VEPH1: variants seen among roughly 807,000 people sequenced by gnomAD.
VEPH1 encodes the protein ventricular zone expressed PH domain containing 1.
A neutral mutation model predicts 85.2 loss-of-function variants in VEPH1; 80 were observed. The ratio of observed to expected loss-of-function variants is 0.94; its 90% CI spans 0.78 to 1.13. The LOEUF (loss-of-function observed/expected upper bound fraction) is 1.13, where lower values mean the gene tolerates loss of function less well. Among genes scored for constraint, VEPH1 ranks in the 50% most tolerant of loss-of-function variants. The pLI is 0.00. For missense variants in VEPH1, 955 were observed against 980.5 expected, an observed-to-expected ratio of 0.97 and a Z score of 0.35; for synonymous variants, 297 against 348.0, an observed-to-expected ratio of 0.85 and a Z score of 1.63.
At chr3:157,267,107 T>TC (rs1489353768) in intron 12 of VEPH1, among the ~76,000 whole-genome samples, 44 of 148,148 alleles carry the variant, frequency 3.0e-4, no homozygotes, top group Admixed American at 1.9e-3. Flanking sequence ...TTTTTCTTTT[T>TC]TTTTTTTTTT....
At position 157,424,890 on chromosome 3, in the gene VEPH1, C is replaced by T. The variant is rs560554806; in HGVS notation, c.696+3432G>A. On this transcript the variant is annotated intron_variant, in intron 5 of 13. Transcript: ENST00000362010. Reference sequence around the variant, plus strand: ...CCATTTTCTGAGGAGAAATTCAAGCCGGATGCAGAAATTTACATAAGTAAC... The same window carrying T: ...CCATTTTCTGAGGAGAAATTCAAGCTGGATGCAGAAATTTACATAAGTAAC... 4.6e-5 allele frequency among the ~76,000 whole-genome samples: 7 copies of T among 152,242 alleles called. No individual in the cohort carries two copies. The South Asian group carries it at 6.2e-4, about 14-fold the overall frequency.
intron 9 of VEPH1, among the ~76,000 whole-genome samples, chr3:157,329,019 C>A (rs115553973): frequency 9.4e-4 from 143 of 152,310 alleles, no homozygotes; most frequent in Non-Finnish European, 1.7e-3. Flanking sequence ...TACTCTGCAG[C>A]TTACATAGGT....
chr3:157,299,307 C>G (rs1243504610), intron 11 of VEPH1, among the ~76,000 whole-genome samples: 2 of 151,690 alleles, frequency 1.3e-5, no homozygotes, highest in East Asian at 1.9e-4. Flanking sequence ...ACATACAATC[C>G]CAGACCTTTG....
chr3:157,270,774 A>C (rs1236082948), intron 12 of VEPH1, among the ~76,000 whole-genome samples: 2 of 152,156 alleles, frequency 1.3e-5, no homozygotes, highest in Non-Finnish European at 2.9e-5. Flanking sequence ...TCACCCTCAC[A>C]GGGAGCTTTA....
intron 4 of VEPH1, among the ~76,000 whole-genome samples, chr3:157,441,109 C>A (rs1446500410): frequency 6.6e-6 from 1 of 152,148 alleles, no homozygotes; most frequent in East Asian, 1.9e-4. Context: ...GGTGCTCATC[C>A]AAAGTTGCAT....
chr3:157,360,254 A>G (rs2108758508), intron 9 of VEPH1, among the ~76,000 whole-genome samples: 1 of 152,300 alleles, frequency 6.6e-6, no homozygotes, highest in Admixed American at 6.5e-5. Flanking sequence ...GCTCTTTCTC[A>G]GCGGATGTAT....
intron 9 of VEPH1, among the ~76,000 whole-genome samples, chr3:157,349,694 C>CA (rs1467865607): frequency 2.6e-5 from 4 of 151,938 alleles, no homozygotes; most frequent in Non-Finnish European, 4.4e-5. Context: ...TTGCAGAATA[C>CA]AAAAAAATCA....
intron 9 of VEPH1, among the ~76,000 whole-genome samples, chr3:157,323,566 ATG>A (rs1721582449): frequency 6.6e-6 from 1 of 152,174 alleles, no homozygotes; most frequent in African/African-American, 2.4e-5. Flanking sequence ...TCACATGCAT[ATG>A]TGTGGGACGT....
In VEPH1 at chr3:157,318,444, C is replaced by CA. The variant is rs567455501; in HGVS notation, c.1736-1244dup. The stretch of plus-strand genomic sequence containing the variant: ...ACAACATGGTGAAACCCCTTCTCTA[C>CA]AAAAAATACAAAAATTAGCTGGGCA... On this transcript the variant is annotated intron_variant, in intron 9 of 13. Transcript: ENST00000362010. Among the ~76,000 whole-genome samples the CA allele has an allele frequency of 1.8e-3, 267 of 151,770 alleles. 2 individuals are homozygous for CA. The highest frequency in any genetic ancestry group is 0.017 in the Middle Eastern group (5 of 294).
intron 4 of VEPH1, among the ~76,000 whole-genome samples, chr3:157,433,948 A>G (rs999438204): frequency 4.6e-5 from 7 of 152,074 alleles, no homozygotes; most frequent in African/African-American, 1.7e-4. Context: ...ATGATCAGTT[A>G]TGATATATGT....
Position 157,300,678 on chromosome 3 carries a change from A to C in VEPH1, c.2010+12943T>G, listed in dbSNP as rs144559416. ...AAAGAAAGAGTAAAAAACAACAGAC[A>C]AGTGTATTACAATGAAAATAAATGT... On this transcript the variant is annotated intron_variant, in intron 11 of 13. Transcript: ENST00000362010. Among the ~76,000 whole-genome samples, 1,219 of 152,336 alleles carry C rather than the reference A, an allele frequency of 8.0e-3. 27 individuals are homozygous for C. Among genetic ancestry groups the C allele is most frequent in the African/African-American group, 0.027 (1,129 of 41,566 alleles).
chr3:157,483,637 T>A (rs947820866), intron 2 of VEPH1, among the ~76,000 whole-genome samples: 1 of 152,032 alleles, frequency 6.6e-6, no homozygotes, highest in Non-Finnish European at 1.5e-5. Context: ...CGTGGATGGA[T>A]AGAGCTGAAA....
chr3:157,467,406 GA>G (rs144653058), intron 3 of VEPH1, among the ~76,000 whole-genome samples: 34 of 147,376 alleles, frequency 2.3e-4, no homozygotes, highest in African/African-American at 4.0e-4. Context: ...TCATTTTACT[GA>G]AAAAAAAAAT....
In VEPH1 at chr3:157,429,245, CA is replaced by C. The variant is rs556271473; in HGVS notation, c.530-758del. On this transcript the variant is annotated intron_variant, in intron 4 of 13. Transcript: ENST00000362010. ...AATCCTCACAAGTACTTAAATGTCT[CA>C]GGGGAATTGGTTTCTAGGGATTTTT... 4.0e-4 allele frequency among the ~76,000 whole-genome samples: 61 copies of C among 152,204 alleles called. 4 individuals are homozygous for C. In the East Asian group the frequency reaches 4.8e-3, roughly 12 times the overall value.
At chr3:157,371,276 T>C (rs1484389747) in intron 7 of VEPH1, among the ~76,000 whole-genome samples, 1 of 152,210 alleles carries the variant, frequency 6.6e-6, no homozygotes, top group Non-Finnish European at 1.5e-5. Flanking sequence ...TAAATCCCTG[T>C]ACTTGAAATA....
chr3:157,414,128 G>GAAGA (rs764554436), intron 5 of VEPH1, 38 bp from the exon 6 acceptor site: 1 of 1,473,632 alleles, frequency 6.8e-7, no homozygotes, highest in Non-Finnish European at 9.3e-7. Flanking sequence ...AAGAAAGAAG[G>GAAGA]AAGAAAGAGA....
chr3:157,304,038 T>TATATATATATATATATATACAC, intron 11 of VEPH1, among the ~76,000 whole-genome samples: 31 of 96,916 alleles, frequency 3.2e-4, no homozygotes, highest in Non-Finnish European at 4.8e-4. Context: ...TATATATATA[T>TATATATATATATATATATACAC]ACACACATAC....
chr3:157,356,401 C>T (rs1228650920), intron 9 of VEPH1, among the ~76,000 whole-genome samples: 5 of 152,162 alleles, frequency 3.3e-5, no homozygotes, highest in African/African-American at 7.2e-5. Flanking sequence ...ATGCACCTCT[C>T]TGAAAATGAA....
chr3:157,413,857 T>C (rs749235369), intron 6 of VEPH1, 24 bp downstream of exon 6: 37 of 1,609,972 alleles, frequency 2.3e-5, no homozygotes, highest in Non-Finnish European at 3.0e-5. Flanking sequence ...TTCAGGGGAA[T>C]GGAGAGAAAA....
Sources: gnomAD v4.1 joint callset for allele counts (sites outside exome capture counted in the v4.1 genomes callset) on GRCh38, gnomAD v4.1.1 for gene constraint, MANE v1.5 for transcripts, NCBI Gene and HGNC (gene_info 2026-07-23, HGNC 2026-07-21) for gene names.